The following DPP6 variants were observed in gnomAD, a reference collection of about 807,000 sequenced individuals.
DPP6 encodes A-type potassium channel modulatory protein DPP6.
DPP6 carries 69 observed loss-of-function variants against 122.6 expected under a neutral mutation model. The ratio of observed to expected loss-of-function variants is 0.56; its 90% confidence interval spans 0.46 to 0.69. DPP6 has a LOEUF of 0.69. DPP6 is among the 30% of genes least tolerant of loss of function. The pLI is 0.00. For synonymous variants in DPP6, 418 were observed against 433.1 expected (o/e 0.97, Z 0.43); for missense variants, 928 against 1,116.9 (o/e 0.83, Z 2.41).
At chr7:154,357,819 G>A (rs1017270238) in intron 1 of DPP6, among the ~76,000 whole-genome samples, 2 of 152,060 alleles carry the variant, frequency 1.3e-5, no homozygotes, top group Non-Finnish European at 2.9e-5. Context: ...GCACATGCCT[G>A]TAATCCCAAC....
chr7:154,241,969 A>C lies in DPP6; in HGVS notation c.243+188906A>C, dbSNP rs1158205245. Among the ~76,000 whole-genome samples the C allele has an allele frequency of 1.3e-5, 2 of 152,174 alleles. No homozygotes were observed. The highest frequency in any genetic ancestry group is 2.9e-5 in the Non-Finnish European group (2 of 68,032). On this transcript the variant is annotated intron_variant, in intron 1 of 25. Coordinates refer to ENST00000377770, the MANE Select transcript of DPP6 (RefSeq NM_130797.4). The surrounding 1 kb of genome is among the most constrained non-coding windows in gnomAD (Gnocchi z 9.0). ...TCAAATTCTTTGCATGTGATTGCTC[A>C]GTCTCTTTTAACTTGAAAAGGGGAA...
At chr7:153,817,102 G>A in the DPP6 span, among the ~76,000 whole-genome samples, 488 of 149,794 alleles carry the variant, frequency 3.3e-3, 2 homozygotes, top group Non-Finnish European at 5.7e-3. Flanking sequence ...GTATTGCCAG[G>A]GAGGAAGGTT....
In DPP6 at chr7:154,877,301, A is replaced by C. The variant is rs1023314352; in HGVS notation, c.2078+1201A>C. Among the ~76,000 whole-genome samples, 2 of 152,096 alleles carry C rather than the reference A, an allele frequency of 1.3e-5. No homozygotes were observed. Among genetic ancestry groups the C allele is most frequent in the Non-Finnish European group, 2.9e-5 (2 of 68,006 alleles). ...TCAGAAACCCGTGTTGCAGCTGGGAAATACGGAGCGGGAGAGCTCTCAGGA... is the reference window on the plus strand; with the variant it reads ...TCAGAAACCCGTGTTGCAGCTGGGACATACGGAGCGGGAGAGCTCTCAGGA... On this transcript the variant is annotated intron_variant, in intron 20 of 25. Coordinates refer to ENST00000377770, the MANE Select transcript of DPP6 (RefSeq NM_130797.4). The surrounding 1 kb of genome is among the most constrained non-coding windows in gnomAD (Gnocchi z 5.2).
chr7:154,011,722 A>G (rs1798165254), intron 1 of DPP6, among the ~76,000 whole-genome samples: 1 of 152,220 alleles, frequency 6.6e-6, no homozygotes, highest in Non-Finnish European at 1.5e-5. Context: ...TTTAAAGAAA[A>G]TGTTATTCCC....
Position 154,566,924 on chromosome 7 carries a change from T to G in DPP6, c.627+8T>G. The G allele has an allele frequency of 6.3e-7, 1 of 1,589,530 alleles. No homozygotes were observed. Among genetic ancestry groups the G allele is most frequent in the Non-Finnish European group, 8.6e-7 (1 of 1,159,224 alleles). On this transcript the variant is annotated splice_region_variant and intron_variant, in intron 5 of 25. Coordinates refer to ENST00000377770, the MANE Select transcript of DPP6 (RefSeq NM_130797.4). The stretch of plus-strand genomic sequence containing the variant: ...TCATACAATGTGGAACCCGTGAGTA[T>G]TATCCTTTACTGCCTACAAAATAAT...
chr7:154,423,425 C>T (rs1188600879), intron 1 of DPP6, among the ~76,000 whole-genome samples: 3 of 152,096 alleles, frequency 2.0e-5, no homozygotes, highest in African/African-American at 4.8e-5. Flanking sequence ...GTCATAAGCT[C>T]TTTTGGCAGG....
chr7:153,995,678 G>GA (rs200246943), intron 1 of DPP6, among the ~76,000 whole-genome samples: 4 of 149,678 alleles, frequency 2.7e-5, no homozygotes, highest in African/African-American at 7.4e-5. Context: ...CCTTCAACTA[G>GA]AAAAAAAAAT....
At chr7:154,425,750 C>T (rs1335674805) in intron 1 of DPP6, among the ~76,000 whole-genome samples, 2 of 151,830 alleles carry the variant, frequency 1.3e-5, no homozygotes, top group African/African-American at 2.4e-5. Context: ...TCAAGCAATC[C>T]TCCCACCTCA....
chr7:154,754,897 A>T (rs1409310556), intron 8 of DPP6, among the ~76,000 whole-genome samples: 1 of 152,160 alleles, frequency 6.6e-6, no homozygotes, highest in Non-Finnish European at 1.5e-5. Flanking sequence ...AACACTGCAT[A>T]TTCTCACTCG....
chr7:154,473,873 CAGTT>C (rs1174436375), intron 2 of DPP6, among the ~76,000 whole-genome samples: 4 of 152,168 alleles, frequency 2.6e-5, no homozygotes, highest in Admixed American at 2.0e-4. Context: ...ATATGCACCT[CAGTT>C]AGCACCAAGA....
At chr7:154,635,329 G>C (rs1344174585) in intron 5 of DPP6, among the ~76,000 whole-genome samples, 1 of 151,888 alleles carries the variant, frequency 6.6e-6, no homozygotes, top group Non-Finnish European at 1.5e-5. Flanking sequence ...ACTTGGCTTG[G>C]CTGAAGTAAT....
chr7:154,424,227 G>C (rs2151235947), intron 1 of DPP6, among the ~76,000 whole-genome samples: 1 of 152,302 alleles, frequency 6.6e-6, no homozygotes, highest in South Asian at 2.1e-4. Context: ...AGAAAGAAAA[G>C]TGTTCAAAGA....
intron 1 of DPP6, among the ~76,000 whole-genome samples, chr7:154,111,114 G>C (rs1806540679): frequency 6.6e-6 from 1 of 152,174 alleles, no homozygotes; most frequent in African/African-American, 2.4e-5. Context: ...GAAGGGCTTT[G>C]ACAAGTACCA....
intron 1 of DPP6, among the ~76,000 whole-genome samples, chr7:154,337,817 A>G (rs7807060): frequency 0.13 from 19,835 of 152,192 alleles, 2,083 homozygotes; most frequent in African/African-American, 0.29. Context: ...ACGTTTAAGC[A>G]CCAGCTCTAA....
intron 1 of DPP6, among the ~76,000 whole-genome samples, chr7:154,349,466 A>G (rs11978904): frequency 0.19 from 28,578 of 152,204 alleles, 5,222 homozygotes; most frequent in African/African-American, 0.48. Context: ...ATGAGCCAAC[A>G]CACTCGGCCA....
At chr7:154,717,023 G>A (rs1017783376) in intron 7 of DPP6, among the ~76,000 whole-genome samples, 1 of 152,098 alleles carries the variant, frequency 6.6e-6, no homozygotes, top group Admixed American at 6.6e-5. Context: ...AGTAGAGACA[G>A]AGTTTCTTCA....
At chr7:153,922,065 C>T (rs924283648) in intron 1 of DPP6, among the ~76,000 whole-genome samples, 8 of 152,160 alleles carry the variant, frequency 5.3e-5, no homozygotes, top group African/African-American at 9.7e-5. Context: ...CTGGTTCAAC[C>T]GATACGGTCC....
rs61553100 is a variant in DPP6 at position 153,920,563 on chromosome 7, C to CTTTTTTTTTTTTTTTT, written c.51+32831_51+32846dup. ...GTCAACCTTTTTCTTTTATCTCTCTCTTTTTTTTTTTTTTTTTGAGATGGA... is the reference window on the plus strand; with the variant it reads ...GTCAACCTTTTTCTTTTATCTCTCTCTTTTTTTTTTTTTTTTTTTTTTTTTTTTTTTTTGAGATGGA... On this transcript the variant is annotated intron_variant, in intron 1 of 25. Transcript: ENST00000404039. Among the ~76,000 whole-genome samples the CTTTTTTTTTTTTTTTT allele has an allele frequency of 9.5e-4, 84 of 88,650 alleles. 7 individuals carry two copies. Among genetic ancestry groups the CTTTTTTTTTTTTTTTT allele is most frequent in the South Asian group, 1.4e-3 (3 of 2,194 alleles). 58.2% of individuals were successfully genotyped at this position (88,650 alleles called of 152,430 possible).
chr7:153,931,278 T>C (rs893703174), intron 1 of DPP6, among the ~76,000 whole-genome samples: 1 of 152,072 alleles, frequency 6.6e-6, no homozygotes, highest in Non-Finnish European at 1.5e-5. Context: ...GAAGTATAAT[T>C]CAGCATTTCA....
Sources: gnomAD v4.1 joint callset for allele counts (sites outside exome capture counted in the v4.1 genomes callset) on GRCh38, gnomAD v4.1.1 for gene constraint, Gnocchi (gnomAD v3.1) non-coding constraint, MANE v1.5 for transcripts, NCBI Gene and HGNC (gene_info 2026-07-23, HGNC 2026-07-21) for gene names.